OBI1: variants seen among roughly 807,000 people sequenced by gnomAD.
The protein encoded by OBI1 is ring finger protein 219.
Under a neutral mutation model 62.4 loss-of-function variants are expected in OBI1, and 59 were observed. The observed-to-expected ratio is 0.95, with a 90% CI of 0.77 to 1.17. OBI1 has a LOEUF of 1.17. Among genes scored for constraint, OBI1 ranks in the 50% most tolerant of loss-of-function variants. The pLI is 0.00. For missense variants in OBI1, 875 were observed against 830.9 expected (o/e 1.05, Z -0.65); for synonymous variants, 302 against 292.8 (o/e 1.03, Z -0.32).
rs546467764 is a variant in OBI1 at position 78,637,553 on chromosome 13, A to C, written c.549+1270T>G. ...AAACGAAGTTTAATAACTACAAAGG[A>C]GATCATATAGTGCTTACCAATGGCT... On this transcript the variant is annotated intron_variant, in intron 4 of 5. Transcript: ENST00000282003. Among the ~76,000 whole-genome samples, 9 of 152,382 alleles carry C rather than the reference A, an allele frequency of 5.9e-5. No individual in the cohort carries two copies. In the South Asian group the frequency reaches 1.9e-3, roughly 32 times the overall value.
intron 2 of OBI1, 50 bp downstream of exon 2, chr13:78,644,812 T>TG (rs753059482): frequency 6.4e-7 from 1 of 1,567,124 alleles, no homozygotes; most frequent in South Asian, 1.1e-5. Context: ...ATAAATTATT[T>TG]GGAGATTGTT....
chr13:78,616,287 C>G lies in OBI1; in HGVS notation c.1474G>C (p.Val492Leu), dbSNP rs1424468568. 1 of 1,613,954 alleles carries G rather than the reference C, an allele frequency of 6.2e-7. No individual in the cohort carries two copies. The highest frequency in any genetic ancestry group is 1.7e-5 in the Admixed American group (1 of 60,012). The stretch of plus-strand genomic sequence containing the variant: ...CTCAATTTTGAAGATATTTCTCCAA[C>G]AGAATTTGCTATCGTGTTCCCCTCT... ...SSEGNTIANS[V>L]GEISSKLSEK... Residue 492 changes from valine to leucine, a missense_variant, in exon 6 of 6, where the codon GTT becomes CTT. By Grantham distance (32) the Val-to-Leu change is conservative (BLOSUM62 1). Transcript: ENST00000282003.
chr13:78,632,091 G>A (rs1433342584), intron 5 of OBI1, among the ~76,000 whole-genome samples: 3 of 152,090 alleles, frequency 2.0e-5, no homozygotes, highest in African/African-American at 4.8e-5. Flanking sequence ...CTCCAAATTC[G>A]TATGTTGAAG....
intron 2 of OBI1, among the ~76,000 whole-genome samples, chr13:78,642,955 A>G (rs1876264333): frequency 6.6e-6 from 1 of 152,208 alleles, no homozygotes; most frequent in Non-Finnish European, 1.5e-5. Context: ...ACGGATTCTA[A>G]CAGGCTAGTT....
In OBI1 at chr13:78,645,353, G is replaced by T. The variant is rs552963455; in HGVS notation, c.73-356C>A. On this transcript the variant is annotated intron_variant, in intron 1 of 5. Coordinates refer to ENST00000282003, the MANE Select transcript of OBI1 (RefSeq NM_024546.4). ...TTAGCATTATAGAACAGCAGGATTA[G>T]GTTTTTGAAAATATCATTTAGCACA... is the stretch of plus-strand genomic sequence containing the variant. 3.9e-5 allele frequency among the ~76,000 whole-genome samples: 6 copies of T among 152,282 alleles called. No individual in the cohort carries two copies. In the South Asian group the frequency reaches 1.2e-3, roughly 32 times the overall value.
At chr13:78,633,340 G>T (rs930823428) in intron 5 of OBI1, among the ~76,000 whole-genome samples, 1 of 152,136 alleles carries the variant, frequency 6.6e-6, no homozygotes, top group African/African-American at 2.4e-5. Context: ...TTTCTCATTG[G>T]TTAGTTATCT....
At chr13:78,626,980 A>G (rs948905318) in intron 5 of OBI1, among the ~76,000 whole-genome samples, 8 of 152,070 alleles carry the variant, frequency 5.3e-5, no homozygotes, top group Admixed American at 1.3e-4. Context: ...GCAGGAGAAT[A>G]GCATGAACCC....
chr13:78,627,175 G>A (rs1454317093), intron 5 of OBI1, among the ~76,000 whole-genome samples: 1 of 152,110 alleles, frequency 6.6e-6, no homozygotes, highest in Non-Finnish European at 1.5e-5. Context: ...AGGCTATAGA[G>A]AACATACTAA....
At position 78,639,017 on chromosome 13, in the gene OBI1, T is replaced by C. The variant is rs769746021; in HGVS notation, c.355A>G (p.Ser119Gly). The change falls in exon 4 of 6, where the codon AGC (serine) becomes GGC (glycine). Residue 119 changes from serine to glycine, a missense_variant. Transcript: ENST00000282003. ...EVEELKSKNL[S>G]LESQIKTILD... ...ATAGTTTTGATCTGTGACTCCAAGC[T>C]GAGATTTTTACTCTTAAGCTCTTCT... The C allele has an allele frequency of 1.2e-6, 2 of 1,613,450 alleles. No individual in the cohort carries two copies. The highest frequency in any genetic ancestry group is 3.3e-5 in the Admixed American group (2 of 60,018).
At chr13:78,644,158 T>A (rs905478397) in intron 2 of OBI1, among the ~76,000 whole-genome samples, 6 of 152,162 alleles carry the variant, frequency 3.9e-5, no homozygotes, top group Non-Finnish European at 7.4e-5. Context: ...CCTACTCACA[T>A]CCTGTCTACT....
intron 2 of OBI1, among the ~76,000 whole-genome samples, chr13:78,644,575 ACT>A (rs1481572556): frequency 5.6e-5 from 8 of 141,924 alleles, no homozygotes; most frequent in Non-Finnish European, 1.6e-5. Context: ...TCTTGCCTGA[ACT>A]CTCTGGGCTT....
intron 2 of OBI1, among the ~76,000 whole-genome samples, chr13:78,643,502 T>A (rs1167930829): frequency 6.6e-6 from 1 of 152,170 alleles, no homozygotes; most frequent in African/African-American, 2.4e-5. Flanking sequence ...TTTGTAAAAA[T>A]CTTGGCTGGG....
At chr13:78,623,956 A>G (rs891248521) in intron 5 of OBI1, among the ~76,000 whole-genome samples, 1 of 152,214 alleles carries the variant, frequency 6.6e-6, no homozygotes, top group Non-Finnish European at 1.5e-5. Flanking sequence ...GCCAACCCAA[A>G]TATTTAACCA....
At chr13:78,631,244 G>A (rs1257382996) in intron 5 of OBI1, among the ~76,000 whole-genome samples, 5 of 152,106 alleles carry the variant, frequency 3.3e-5, no homozygotes, top group Admixed American at 6.5e-5. Flanking sequence ...TTGCAATAGT[G>A]ACTACATATT....
intron 5 of OBI1, among the ~76,000 whole-genome samples, chr13:78,624,743 A>G (rs1349674118): frequency 6.6e-6 from 1 of 152,182 alleles, no homozygotes; most frequent in Non-Finnish European, 1.5e-5. Context: ...GCTGACCCAC[A>G]TAGTATTGGG....
intron 3 of OBI1, among the ~76,000 whole-genome samples, chr13:78,640,924 TTTTGAA>T (rs1343987693): frequency 1.3e-5 from 2 of 152,234 alleles, no homozygotes; most frequent in Admixed American, 6.5e-5. Context: ...CTGTAGTTAA[TTTTGAA>T]TTTTCAACTT....
chr13:78,625,962 T>TTAGA (rs1169924684), intron 5 of OBI1, among the ~76,000 whole-genome samples: 7 of 152,230 alleles, frequency 4.6e-5, no homozygotes, highest in African/African-American at 1.7e-4. Context: ...AACCAAAAGG[T>TTAGA]TAGAGCATTA....
chr13:78,632,174 G>T (rs1208922464), intron 5 of OBI1, among the ~76,000 whole-genome samples: 1 of 151,998 alleles, frequency 6.6e-6, no homozygotes, highest in East Asian at 2.0e-4. Context: ...GAGGTCATTA[G>T]GTGTTCCTTT....
At chr13:78,658,946 C>T (rs1030111193) in intron 1 of OBI1, 103 bp downstream of exon 1, 4 of 979,940 alleles carry the variant, frequency 4.1e-6, no homozygotes, top group Admixed American at 2.1e-5. Context: ...CTCCCATCTC[C>T]GCGCCTCACG....
Sources: allele counts gnomAD v4.1 joint callset (sites outside exome capture counted in the v4.1 genomes callset), GRCh38; gene constraint gnomAD v4.1.1; transcripts MANE v1.5; gene names NCBI Gene and HGNC (gene_info 2026-07-23, HGNC 2026-07-21).